Variants in TCFL5 observed in about 807,000 individuals in gnomAD.
TCFL5 encodes the protein transcription factor-like 5 protein.
Under a neutral mutation model 44.3 loss-of-function variants are expected in TCFL5, and 9 were observed. That is an observed-to-expected ratio of 0.20 (90% CI 0.12 to 0.35). TCFL5 has a LOEUF of 0.35. TCFL5 is among the 10% of genes least tolerant of loss of function. The probability of loss-of-function intolerance (pLI) is 1.00; values close to 1 mark genes in which losing one functional copy is unlikely to be tolerated. For synonymous variants in TCFL5, 319 were observed against 271.6 expected, an observed-to-expected ratio of 1.17 and a Z score of -1.72; for missense variants, 603 against 613.4, an observed-to-expected ratio of 0.98 and a Z score of 0.18.
chr20:62,852,566 G>A (rs772816870), intron 5 of TCFL5: 60 of 985,456 alleles, frequency 6.1e-5, no homozygotes, highest in Middle Eastern at 5.2e-4. Context: ...ACAGGATCAC[G>A]GCAGGCTGGC....
rs2063683892 is a variant in TCFL5 at position 62,841,919 on chromosome 20, T to C, written c.*56A>G. On this transcript the variant is annotated 3_prime_UTR_variant, in exon 6 of 6. Coordinates refer to ENST00000335351, the MANE Select transcript of TCFL5 (RefSeq NM_006602.4). Reference sequence around the variant, plus strand: ...CAGAGCTCCAGGGTTGCAGAAGGCGTGCACAGGTCACGAAGGAATGGCTGT... The same window carrying C: ...CAGAGCTCCAGGGTTGCAGAAGGCGCGCACAGGTCACGAAGGAATGGCTGT... 6.4e-7 allele frequency: 1 copy of C among 1,558,196 alleles called. No homozygotes were observed. The highest frequency in any genetic ancestry group is 1.8e-5 in the Admixed American group (1 of 55,698).
At chr20:62,856,598 C>A in intron 4 of TCFL5, among the ~76,000 whole-genome samples, 1 of 149,448 alleles carries the variant, frequency 6.7e-6, no homozygotes, top group Non-Finnish European at 1.5e-5. Context: ...CCCAGCTACT[C>A]AGGAGGCTGA....
intron 5 of TCFL5, among the ~76,000 whole-genome samples, chr20:62,848,698 A>T (rs2063774032): frequency 6.6e-6 from 1 of 152,124 alleles, no homozygotes; most frequent in African/African-American, 2.4e-5. Context: ...GGATCACGCC[A>T]TTGCACTCCA....
intron 5 of TCFL5, chr20:62,845,568 T>C (rs2063730912): frequency 6.7e-7 from 1 of 1,497,588 alleles, no homozygotes; most frequent in Non-Finnish European, 8.9e-7. Context: ...GACAATTAAA[T>C]GAAAGTCAGA....
rs1555833221 is a variant in TCFL5, at chr20:62,861,719, C to CGGCGGGCGGCGGGAGGCGGGA, written c.-50_-49insTCCCGCCTCCCGCCGCCCGCC. The CGGCGGGCGGCGGGAGGCGGGA allele has an allele frequency of 4.2e-4, 57 of 135,446 alleles. No homozygotes were observed. In the South Asian group the frequency reaches 6.3e-3, roughly 15 times the overall value. 8.4% of individuals were successfully genotyped at this position (135,446 alleles called of 1,614,324 possible). On this transcript the variant is annotated 5_prime_UTR_variant, in exon 1 of 6. Transcript: ENST00000335351. The surrounding 1 kb of genome is among the most constrained non-coding windows in gnomAD (Gnocchi z 4.0). ...CGGCGAGGGCGACGCGGGCGGCGGGCGGCGGGAGGCGGGAGGCGGGAGGCG... is the reference window on the plus strand; with the variant it reads ...CGGCGAGGGCGACGCGGGCGGCGGGCGGCGGGCGGCGGGAGGCGGGAGGCGGGAGGCGGGAGGCGGGAGGCG...
At chr20:62,852,872 A>G in intron 5 of TCFL5, 1 of 1,289,694 alleles carries the variant, frequency 7.8e-7, no homozygotes. Context: ...CAGTCCATGG[A>G]AGTATAGTCA....
intron 5 of TCFL5, chr20:62,851,845 T>A: frequency 1.0e-6 from 1 of 984,378 alleles, no homozygotes; most frequent in Non-Finnish European, 1.2e-6. Flanking sequence ...AGTCTCGCTC[T>A]GTCACCCAGG....
chr20:62,845,122 A>AT (rs1392284760), intron 5 of TCFL5: 2 of 977,772 alleles, frequency 2.0e-6, no homozygotes, highest in Admixed American at 6.2e-5. Flanking sequence ...TTTTCTTCCC[A>AT]ATTTTTTTTT....
In TCFL5 at chr20:62,860,271, T is replaced by C. The variant is rs2063973390; in HGVS notation, c.685A>G (p.Asn229Asp). The C allele has an allele frequency of 6.2e-7, 1 of 1,613,038 alleles. No homozygotes were observed. Among genetic ancestry groups the C allele is most frequent in the Non-Finnish European group, 8.5e-7 (1 of 1,179,200 alleles). ...TTGTTTTGTTGCTGAAGAGGAACATTCATTAGTTCAGATGGATGTCGAATG... is the reference window on the plus strand; with the variant it reads ...TTGTTTTGTTGCTGAAGAGGAACATCCATTAGTTCAGATGGATGTCGAATG... ...TLIRHPSELM[N>D]VPLQQQNKCT... The change falls in exon 2 of 6, where the codon AAT (asparagine) becomes GAT (aspartate). Residue 229 changes from asparagine to aspartate, a missense_variant. Physicochemically the swap from Asn to Asp is conservative, Grantham distance 23 (BLOSUM62 1). This residue lies in a region of TCFL5 where 540 missense variants were observed against 478.7 expected (regional missense o/e 1.13). Transcript: ENST00000335351.
intron 4 of TCFL5, 114 bp downstream of exon 4, chr20:62,857,281 C>G (rs1196707101): frequency 7.0e-7 from 1 of 1,419,808 alleles, no homozygotes; most frequent in Non-Finnish European, 9.6e-7. Context: ...GATGCTCCTA[C>G]CTGCTTTATT....
At chr20:62,846,461 A>T (rs1470456399) in intron 5 of TCFL5, among the ~76,000 whole-genome samples, 5 of 152,210 alleles carry the variant, frequency 3.3e-5, no homozygotes. Flanking sequence ...TCGCACTCTC[A>T]ATCTGCACCT....
chr20:62,860,224 A>AT lies in TCFL5; in HGVS notation c.731dup (p.Asn244LysfsTer2). The AT allele has an allele frequency of 6.2e-7, 1 of 1,613,888 alleles. No individual in the cohort carries two copies. Among genetic ancestry groups the AT allele is most frequent in the Non-Finnish European group, 8.5e-7 (1 of 1,179,812 alleles). ...AAGCAGTAGTTGTAGCCGCAGTTTT[A>AT]TTTTTCACTAATGCTGTACATTTGT... is the stretch of plus-strand genomic sequence containing the variant. On this transcript the variant is annotated frameshift_variant, in exon 2 of 6. Coordinates refer to ENST00000335351, the MANE Select transcript of TCFL5 (RefSeq NM_006602.4). LOFTEE classifies it high-confidence loss of function.
intron 1 of TCFL5, 94 bp downstream of exon 1, chr20:62,860,930 G>C (rs903145651): frequency 2.2e-6 from 2 of 927,140 alleles, no homozygotes; most frequent in African/African-American, 3.6e-5. Flanking sequence ...CTGGGGGCGT[G>C]CACAGCGAGG....
chr20:62,846,880 G>A (rs574940046), intron 5 of TCFL5, among the ~76,000 whole-genome samples: 1 of 151,950 alleles, frequency 6.6e-6, no homozygotes, highest in South Asian at 2.1e-4. Context: ...AATATACCAG[G>A]AAGTTATTAA....
At chr20:62,860,554 T>C (rs1322441165) in intron 1 of TCFL5, among the ~76,000 whole-genome samples, 1 of 152,222 alleles carries the variant, frequency 6.6e-6, no homozygotes, top group African/African-American at 2.4e-5. Context: ...TTTGCCATCC[T>C]CCAGTGTGAC....
At chr20:62,844,575 G>GTTTTTTT (rs1169875367) in intron 5 of TCFL5, among the ~76,000 whole-genome samples, 2 of 130,282 alleles carry the variant, frequency 1.5e-5, no homozygotes, top group African/African-American at 7.8e-5. Context: ...TTTTTTGTTT[G>GTTTTTTT]TTTTTTGTTT....
intron 5 of TCFL5, among the ~76,000 whole-genome samples, chr20:62,844,609 ACT>A (rs2063719296): frequency 1.5e-5 from 2 of 134,958 alleles, no homozygotes; most frequent in African/African-American, 5.9e-5. Context: ...ACCGAGTCTC[ACT>A]CTGTCACCCA....
chr20:62,860,214 C>T lies in TCFL5; in HGVS notation c.742G>A (p.Ala248Thr). The T allele has an allele frequency of 1.2e-6, 2 of 1,613,800 alleles. No individual in the cohort carries two copies. Among genetic ancestry groups the T allele is most frequent in the Middle Eastern group, 1.7e-4 (1 of 6,056 alleles). Residue 248 changes from alanine (A) to threonine (T), a missense_variant, in exon 2 of 6, where the codon GCT (alanine) becomes ACT (threonine). Coordinates refer to ENST00000335351, the MANE Select transcript of TCFL5 (RefSeq NM_006602.4). The stretch of plus-strand genomic sequence containing the variant: ...GTAAATTGCAAAGCAGTAGTTGTAG[C>T]CGCAGTTTTATTTTTCACTAATGCT... ...CTALVKNKTA[A>T]TTTALQFTYP...
intron 3 of TCFL5, among the ~76,000 whole-genome samples, chr20:62,858,690 G>A (rs113429201): frequency 5.4e-5 from 7 of 128,658 alleles, no homozygotes; most frequent in African/African-American, 9.6e-5. Context: ...GGAGGAAGGG[G>A]CTACGCAGGT....
Sources: gnomAD v4.1 joint callset for allele counts (sites outside exome capture counted in the v4.1 genomes callset) on GRCh38, gnomAD v4.1.1 for gene constraint, gnomAD v4.1.1 regional missense constraint, Gnocchi (gnomAD v3.1) non-coding constraint, MANE v1.5 for transcripts, NCBI Gene and HGNC (gene_info 2026-07-23, HGNC 2026-07-21) for gene names.